Variants in RAB3C observed in about 807,000 individuals in gnomAD.
RAB3C encodes the protein ras-related protein Rab-3C.
A neutral mutation model predicts 26.4 loss-of-function variants in RAB3C; 17 were observed. That is an observed-to-expected ratio of 0.64 (90% CI 0.44 to 0.97). The LOEUF (loss-of-function observed/expected upper bound fraction) is 0.97, where lower values mean the gene tolerates loss of function less well. Among genes scored for constraint, RAB3C ranks in the 50% least tolerant of loss-of-function variants. The pLI is 0.00. For missense variants in RAB3C, 242 were observed against 281.9 expected (o/e 0.86, Z 1.01); for synonymous variants, 91 against 95.9 (o/e 0.95, Z 0.30).
intron 2 of RAB3C, among the ~76,000 whole-genome samples, chr5:58,653,052 A>G (rs1747692165): frequency 6.6e-6 from 1 of 152,138 alleles, no homozygotes; most frequent in South Asian, 2.1e-4. Context: ...TACATGTGCC[A>G]TGGTGGTTTG....
At chr5:58,839,030 C>T (rs1444157920) in intron 4 of RAB3C, among the ~76,000 whole-genome samples, 1 of 151,712 alleles carries the variant, frequency 6.6e-6, no homozygotes, top group East Asian at 1.9e-4. Context: ...TCCCTGCTTA[C>T]TTTTGGTTTC....
chr5:58,604,505 G>C (rs1676748961), intron 1 of RAB3C, among the ~76,000 whole-genome samples: 1 of 152,192 alleles, frequency 6.6e-6, no homozygotes, highest in Non-Finnish European at 1.5e-5. Context: ...TGGGGCATGG[G>C]GGTGAGATTT....
intron 3 of RAB3C, chr5:58,741,630 A>G (rs1326931809): frequency 1.3e-5 from 2 of 152,208 alleles, no homozygotes; most frequent in Non-Finnish European, 2.9e-5. Context: ...ATTATTATTT[A>G]TCTATGAATA....
chr5:58,738,465 CAT>C (rs1282569121), intron 3 of RAB3C, among the ~76,000 whole-genome samples: 1 of 152,134 alleles, frequency 6.6e-6, no homozygotes, highest in African/African-American at 2.4e-5. Flanking sequence ...GTTCGAAACA[CAT>C]GTTAGCAGTT....
At position 58,716,056 on chromosome 5, in the gene RAB3C, AAT is replaced by A. The variant is rs1408881281; in HGVS notation, c.253-9944_253-9943del. Among the ~76,000 whole-genome samples, 957 of 127,712 alleles carry A rather than the reference AAT, an allele frequency of 7.5e-3. 9 individuals carry two copies. Among genetic ancestry groups the A allele is most frequent in the African/African-American group, 0.033 (903 of 27,332 alleles). The allele number at this position is 127,712 out of a possible 152,430, so 83.8% of individuals were successfully genotyped here. On this transcript the variant is annotated intron_variant, in intron 2 of 4. Coordinates refer to ENST00000282878, the MANE Select transcript of RAB3C (RefSeq NM_138453.4). The stretch of plus-strand genomic sequence containing the variant: ...AAAAAAAAAGAAAAGGAAAAAAAAT[AAT>A]AAATAAATAAATACATAAAAGTCTT...
At chr5:58,709,093 A>T (rs754341083) in intron 2 of RAB3C, among the ~76,000 whole-genome samples, 5 of 152,178 alleles carry the variant, frequency 3.3e-5, no homozygotes, top group Admixed American at 6.5e-5. Flanking sequence ...TGGTTGGTTC[A>T]TGTGTAATAA....
rs186579841 is a variant in RAB3C at position 58,724,529 on chromosome 5, G to A, written c.253-1473G>A. Reference sequence around the variant, plus strand: ...TACTTGGTAGATAGACAAATGCATAGTGGTGGAGCTAATATACTCCTCTGA... The same window carrying A: ...TACTTGGTAGATAGACAAATGCATAATGGTGGAGCTAATATACTCCTCTGA... On this transcript the variant is annotated intron_variant, in intron 2 of 4. Coordinates refer to ENST00000282878, the MANE Select transcript of RAB3C (RefSeq NM_138453.4). Among the ~76,000 whole-genome samples, 372 of 151,790 alleles carry A rather than the reference G, an allele frequency of 2.5e-3. 2 individuals are homozygous for A. The highest frequency in any genetic ancestry group is 8.3e-3 in the African/African-American group (342 of 41,444).
chr5:58,754,706 C>T (rs956670518), intron 3 of RAB3C, among the ~76,000 whole-genome samples: 17 of 152,118 alleles, frequency 1.1e-4, no homozygotes, highest in East Asian at 1.9e-4. Context: ...TTATATCGTG[C>T]GCAATCTCTT....
intron 2 of RAB3C, among the ~76,000 whole-genome samples, chr5:58,699,403 G>A (rs1282267266): frequency 6.6e-6 from 1 of 152,206 alleles, no homozygotes; most frequent in Non-Finnish European, 1.5e-5. Flanking sequence ...GTGTCCTCCA[G>A]TTAGGCTACA....
chr5:58,850,751 C>T (rs1744097505), intron 4 of RAB3C, among the ~76,000 whole-genome samples: 1 of 152,106 alleles, frequency 6.6e-6, no homozygotes. Context: ...CAAGAGTCTA[C>T]ATGGTGCGCT....
intron 3 of RAB3C, among the ~76,000 whole-genome samples, chr5:58,750,716 C>T (rs1198114041): frequency 6.6e-6 from 1 of 152,174 alleles, no homozygotes; most frequent in Non-Finnish European, 1.5e-5. Context: ...AATCAGATTG[C>T]AAATGTTTCA....
intron 3 of RAB3C, among the ~76,000 whole-genome samples, chr5:58,745,778 T>C (rs187775293): frequency 6.6e-6 from 1 of 152,384 alleles, no homozygotes; most frequent in Non-Finnish European, 1.5e-5. Context: ...TTCTACCTTG[T>C]ATTACCAATG....
intron 1 of RAB3C, among the ~76,000 whole-genome samples, chr5:58,607,003 TCTC>T (rs1437529499): frequency 2.6e-5 from 4 of 152,050 alleles, no homozygotes; most frequent in African/African-American, 9.7e-5. Flanking sequence ...GCGCGCCTCT[TCTC>T]CTCCAAAAGA....
chr5:58,793,821 A>G lies in RAB3C; in HGVS notation c.372-31217A>G, dbSNP rs544647186. Among the ~76,000 whole-genome samples the G allele has an allele frequency of 6.6e-5, 10 of 152,128 alleles. No individual in the cohort carries two copies. The East Asian group carries it at 1.9e-3, about 29-fold the overall frequency. On this transcript the variant is annotated intron_variant, in intron 3 of 4. Transcript: ENST00000282878. ...GAGGAATCATTGGTGATGAATTTGCATTTTTCTAGCTCTATGCTTGTAATA... is the reference window on the plus strand; with the variant it reads ...GAGGAATCATTGGTGATGAATTTGCGTTTTTCTAGCTCTATGCTTGTAATA...
At chr5:58,748,613 T>G (rs1741450932) in intron 3 of RAB3C, among the ~76,000 whole-genome samples, 1 of 152,096 alleles carries the variant, frequency 6.6e-6, no homozygotes. Flanking sequence ...TGTGTGTGCA[T>G]GCATGTATGT....
At chr5:58,818,715 T>A (rs536957732) in intron 3 of RAB3C, among the ~76,000 whole-genome samples, 1 of 152,210 alleles carries the variant, frequency 6.6e-6, no homozygotes, top group African/African-American at 2.4e-5. Context: ...TTTTCACATG[T>A]ATACTGTTTG....
chr5:58,582,902 G>T (rs1745930207), upstream of RAB3C: 2 of 502,712 alleles, frequency 4.0e-6, no homozygotes, highest in Non-Finnish European at 6.6e-6. Flanking sequence ...GAGGCTCCGC[G>T]GCCGAGCCCG....
At chr5:58,600,145 G>T (rs1258909999) in intron 1 of RAB3C, among the ~76,000 whole-genome samples, 1 of 152,076 alleles carries the variant, frequency 6.6e-6, no homozygotes, top group Non-Finnish European at 1.5e-5. Context: ...AAATCAGTTG[G>T]CTGTAAGTAT....
At chr5:58,728,159 C>T (rs56032708) in intron 3 of RAB3C, among the ~76,000 whole-genome samples, 2,645 of 152,094 alleles carry the variant, frequency 0.017, 80 homozygotes, top group African/African-American at 0.061. Flanking sequence ...TAGATGATCA[C>T]TTGATTTATT....
Sources: gnomAD v4.1 joint callset for allele counts (sites outside exome capture counted in the v4.1 genomes callset) on GRCh38, gnomAD v4.1.1 for gene constraint, MANE v1.5 for transcripts, NCBI Gene and HGNC (gene_info 2026-07-23, HGNC 2026-07-21) for gene names.